The following ADAMTSL1 variants were observed in gnomAD, a reference collection of about 807,000 sequenced individuals.
ADAMTSL1 encodes the protein ADAMTS-like protein 1.
A neutral mutation model predicts 201.8 loss-of-function variants in ADAMTSL1; 126 were observed. That is an observed-to-expected ratio of 0.62 (90% CI 0.54 to 0.72). The LOEUF (loss-of-function observed/expected upper bound fraction) is 0.72. ADAMTSL1 is among the 30% of genes least tolerant of loss of function. The pLI, the probability that ADAMTSL1 is intolerant of heterozygous loss-of-function variation, is 0.00. For missense variants in ADAMTSL1, 2,679 were observed against 2,277.8 expected, an observed-to-expected ratio of 1.18 and a Z score of -3.59; for synonymous variants, 1,121 against 903.4, an observed-to-expected ratio of 1.24 and a Z score of -4.32.
chr9:18,586,288 A>T (rs1823486879), intron 4 of ADAMTSL1, among the ~76,000 whole-genome samples: 1 of 152,222 alleles, frequency 6.6e-6, no homozygotes. Flanking sequence ...ATTCCTGTAC[A>T]CCAACAACAG....
intron 1 of ADAMTSL1, among the ~76,000 whole-genome samples, chr9:18,035,229 C>G (rs889696589): frequency 6.6e-6 from 1 of 152,204 alleles, no homozygotes; most frequent in African/African-American, 2.4e-5. Context: ...TCAGCATAGA[C>G]AGCGGCTTTT....
At chr9:18,287,672 T>C (rs1833067774) in intron 2 of ADAMTSL1, among the ~76,000 whole-genome samples, 1 of 151,428 alleles carries the variant, frequency 6.6e-6, no homozygotes, top group East Asian at 1.9e-4. Flanking sequence ...TATGTATGTG[T>C]ATACATACAT....
chr9:18,341,079 G>C (rs1340286511), intron 2 of ADAMTSL1, among the ~76,000 whole-genome samples: 2 of 152,050 alleles, frequency 1.3e-5, no homozygotes, highest in Non-Finnish European at 2.9e-5. Context: ...CAGCATCGCA[G>C]CCTGGCTGAT....
At chr9:18,744,908 G>A (rs557053818) in intron 15 of ADAMTSL1, among the ~76,000 whole-genome samples, 3 of 152,226 alleles carry the variant, frequency 2.0e-5, no homozygotes, top group African/African-American at 7.2e-5. Flanking sequence ...ATGTTTTCTT[G>A]TGATTTTTGA....
chr9:18,197,880 A>G (rs1411848272), intron 2 of ADAMTSL1, among the ~76,000 whole-genome samples: 1 of 152,060 alleles, frequency 6.6e-6, no homozygotes, highest in Non-Finnish European at 1.5e-5. Context: ...ACAGTAACGA[A>G]GACAGCATGG....
chr9:18,171,500 C>A (rs541241599), intron 2 of ADAMTSL1, among the ~76,000 whole-genome samples: 7 of 151,966 alleles, frequency 4.6e-5, no homozygotes, highest in African/African-American at 1.7e-4. Context: ...AAGACACAAG[C>A]TGGAAGGTAT....
intron 1 of ADAMTSL1, among the ~76,000 whole-genome samples, chr9:18,078,966 T>A (rs866337013): frequency 6.6e-6 from 1 of 152,088 alleles, no homozygotes; most frequent in Non-Finnish European, 1.5e-5. Context: ...CATATCAGAG[T>A]AGTTTATCAG....
At chr9:17,981,468 C>T (rs898178676) in intron 1 of ADAMTSL1, among the ~76,000 whole-genome samples, 2 of 152,174 alleles carry the variant, frequency 1.3e-5, no homozygotes, top group African/African-American at 4.8e-5. Context: ...TTTATTTGTG[C>T]TGGTTCTTGA....
At chr9:18,077,354 C>G (rs1410290277) in intron 1 of ADAMTSL1, among the ~76,000 whole-genome samples, 1 of 152,068 alleles carries the variant, frequency 6.6e-6, no homozygotes, top group South Asian at 2.1e-4. Context: ...ACTCCTCTCC[C>G]TTATTGAGTG....
At position 18,680,439 on chromosome 9, in the gene ADAMTSL1, T is replaced by A. The variant is rs761220022; in HGVS notation, c.1264T>A (p.Tyr422Asn). Reference protein sequence around the residue: ...VTSVEEWKCMYTPKMPIAQPC... With the variant: ...VTSVEEWKCMNTPKMPIAQPC... ...TTCAGTGGAAGAGTGGAAATGCATGTACACCCCTAAGATGCCCATCGCGCA... is the reference window on the plus strand; with the variant it reads ...TTCAGTGGAAGAGTGGAAATGCATGAACACCCCTAAGATGCCCATCGCGCA... Residue 422 changes from tyrosine to asparagine, a missense_variant, in exon 11 of 29, where the codon TAC becomes AAC. By Grantham distance (143) the Tyr-to-Asn change is moderately radical. Coordinates refer to ENST00000380548, the MANE Select transcript of ADAMTSL1 (RefSeq NM_001040272.6). 5.8e-5 allele frequency: 93 copies of A among 1,614,070 alleles called. No homozygotes were observed. The highest frequency in any genetic ancestry group is 8.0e-5 in the African/African-American group (6 of 74,930).
intron 2 of ADAMTSL1, among the ~76,000 whole-genome samples, chr9:18,368,132 GT>G (rs1380411423): frequency 2.0e-5 from 3 of 151,840 alleles, no homozygotes; most frequent in Non-Finnish European, 4.4e-5. Flanking sequence ...CGCCAGGATG[GT>G]CTCCATCTCC....
intron 2 of ADAMTSL1, among the ~76,000 whole-genome samples, chr9:18,390,647 T>G (rs1838005703): frequency 6.6e-6 from 1 of 152,196 alleles, no homozygotes; most frequent in Non-Finnish European, 1.5e-5. Flanking sequence ...TCAGGAGTGT[T>G]GACAAACTCC....
chr9:18,674,820 C>T (rs1830044400), intron 9 of ADAMTSL1, among the ~76,000 whole-genome samples: 1 of 152,162 alleles, frequency 6.6e-6, no homozygotes, highest in African/African-American at 2.4e-5. Context: ...TTATGCACTA[C>T]CATGCTCTAC....
chr9:18,382,128 A>G (rs1395863521), intron 2 of ADAMTSL1, among the ~76,000 whole-genome samples: 1 of 152,182 alleles, frequency 6.6e-6, no homozygotes, highest in African/African-American at 2.4e-5. Context: ...GGGGGCAGGT[A>G]GCATGCTCTT....
At chr9:17,908,979 C>T (rs1339044368) in intron 1 of ADAMTSL1, among the ~76,000 whole-genome samples, 3 of 151,000 alleles carry the variant, frequency 2.0e-5, no homozygotes. Context: ...CTCTCCAGCA[C>T]CTGTTGTTTC....
chr9:18,880,418 G>A (rs1257657635), intron 23 of ADAMTSL1, among the ~76,000 whole-genome samples: 1 of 152,158 alleles, frequency 6.6e-6, no homozygotes, highest in Non-Finnish European at 1.5e-5. Context: ...CTTGATCCAT[G>A]GGCTGCAGAA....
chr9:18,320,707 A>G (rs1834584349), intron 2 of ADAMTSL1, among the ~76,000 whole-genome samples: 1 of 152,202 alleles, frequency 6.6e-6, no homozygotes, highest in South Asian at 2.1e-4. Context: ...ATATTAACAC[A>G]AAGGATGAGA....
At chr9:18,182,543 C>T (rs544743402) in intron 2 of ADAMTSL1, among the ~76,000 whole-genome samples, 63 of 152,268 alleles carry the variant, frequency 4.1e-4, no homozygotes, top group Non-Finnish European at 7.2e-4. Flanking sequence ...AGGAGAAATG[C>T]TCCCACAGTA....
At chr9:17,944,062 G>A (rs962478275) in intron 1 of ADAMTSL1, among the ~76,000 whole-genome samples, 5 of 151,294 alleles carry the variant, frequency 3.3e-5, no homozygotes, top group Admixed American at 6.6e-5. Context: ...ACCTCCCACC[G>A]AGCCCCACCT....
Sources: allele counts gnomAD v4.1 joint callset (sites outside exome capture counted in the v4.1 genomes callset), GRCh38; gene constraint gnomAD v4.1.1; transcripts MANE v1.5; gene names NCBI Gene and HGNC (gene_info 2026-07-23, HGNC 2026-07-21).